The following PIANP variants were observed in gnomAD, a reference collection of about 807,000 sequenced individuals.
PIANP encodes PILR alpha associated neural protein, also known as PILR alpha-associated neural protein.
PIANP carries 14 observed loss-of-function variants against 28.9 expected under a neutral mutation model. That is an observed-to-expected ratio of 0.49 (90% CI 0.32 to 0.76). PIANP has a LOEUF of 0.76. PIANP is among the 30% of genes least tolerant of loss of function. The pLI is 0.03. For missense variants in PIANP, 322 were observed against 371.8 expected (o/e 0.87, Z 1.10); for synonymous variants, 149 against 156.6 (o/e 0.95, Z 0.36).
At position 6,696,671 on chromosome 12, in the gene PIANP, A is replaced by G. The variant is rs955926720; in HGVS notation, c.524-147T>C. ...GCTCTGTCTGCCCCTCTGGAGCCTC[A>G]CTCTTTATTATCACCAGCATTCCCC... On this transcript the variant is annotated intron_variant, in intron 3 of 4. Transcript: ENST00000534837. This position sits in a 1 kb window ranked among gnomAD's most constrained non-coding sequence, Gnocchi z 4.0. The G allele has an allele frequency of 1.9e-5, 10 of 517,120 alleles. No individual in the cohort carries two copies. The highest frequency in any genetic ancestry group is 3.3e-5 in the Non-Finnish European group (10 of 301,926). The allele number at this position is 517,120 out of a possible 1,614,324, so 32.0% of individuals were successfully genotyped here. A position where few individuals can be genotyped will look rare whatever the true frequency, so the allele number is the denominator to read the frequency against.
rs750530570 is a variant in PIANP, at chr12:6,697,130, G to C, written c.523+157C>G. Among the ~76,000 whole-genome samples the C allele has an allele frequency of 1.3e-5, 2 of 152,178 alleles. No individual in the cohort carries two copies. The highest frequency in any genetic ancestry group is 2.4e-5 in the African/African-American group (1 of 41,438). On this transcript the variant is annotated intron_variant, in intron 3 of 4. Coordinates refer to ENST00000534837, the MANE Select transcript of PIANP (RefSeq NM_001244014.2). The surrounding 1 kb of genome is among the most constrained non-coding windows in gnomAD (Gnocchi z 6.9). ...CATGTCTGTCTGCTCCAGTGGACCT[G>C]AACTCCGAGAGGGTGTCTTTATCTC...
rs781640528 is a variant in PIANP, at chr12:6,695,439, T to C, written c.818A>G (p.Gln273Arg). The C allele has an allele frequency of 1.3e-6, 2 of 1,491,892 alleles. No homozygotes were observed. The highest frequency in any genetic ancestry group is 1.8e-6 in the Non-Finnish European group (2 of 1,120,926). 92.4% of individuals were successfully genotyped at this position (1,491,892 alleles called of 1,614,324 possible). Residue 273 changes from glutamine (Q) to arginine (R), a missense_variant, in exon 5 of 5, where the codon CAG (glutamine) becomes CGG (arginine). Coordinates refer to ENST00000534837, the MANE Select transcript of PIANP (RefSeq NM_001244014.2). This position sits in a 1 kb window ranked among gnomAD's most constrained non-coding sequence, Gnocchi z 4.2. ...TTGCCCCTGCCCTCACCGGTTCAAC[T>C]GGAAGGCTGGAGCCCCCTTGGGGTG... is the stretch of plus-strand genomic sequence containing the variant. The part of the protein sequence containing the change: ...MPHPKGAPAF[Q>R]LNR
rs1320970805 is a variant in PIANP, at chr12:6,694,218, A to G, written c.*1208T>C. 4 of 153,600 alleles carry G rather than the reference A, an allele frequency of 2.6e-5. No homozygotes were observed. The highest frequency in any genetic ancestry group is 5.9e-5 in the Non-Finnish European group (4 of 68,252). The allele number at this position is 153,600 out of a possible 1,614,324, so 9.5% of individuals were successfully genotyped here. Reference sequence around the variant, plus strand: ...GCACACACACAGACAGCCAGGACAGACAAGACAAAAGGGACTGTAGGAGAA... The same window carrying G: ...GCACACACACAGACAGCCAGGACAGGCAAGACAAAAGGGACTGTAGGAGAA... On this transcript the variant is annotated 3_prime_UTR_variant, in exon 5 of 5. Coordinates refer to ENST00000534837, the MANE Select transcript of PIANP (RefSeq NM_001244014.2). This position sits in a 1 kb window ranked among gnomAD's most constrained non-coding sequence, Gnocchi z 6.1.
In PIANP at chr12:6,696,533, G is replaced by A. The variant is rs773992375; in HGVS notation, c.524-9C>T. On this transcript the variant is annotated splice_polypyrimidine_tract_variant and intron_variant, in intron 3 of 4. Coordinates refer to ENST00000534837, the MANE Select transcript of PIANP (RefSeq NM_001244014.2). This position sits in a 1 kb window ranked among gnomAD's most constrained non-coding sequence, Gnocchi z 4.0. ...GAGCTGGGGGTCCACACCTGATTGG[G>A]GTGGGAAGAAAGTTTTAGGGAGCCC... is the stretch of plus-strand genomic sequence containing the variant. The A allele has an allele frequency of 6.3e-7, 1 of 1,577,048 alleles. No homozygotes were observed. Among genetic ancestry groups the A allele is most frequent in the Non-Finnish European group, 8.6e-7 (1 of 1,161,438 alleles).
At chr12:6,693,287 C>T (rs1163250865), downstream of PIANP, among the ~76,000 whole-genome samples, 2 of 151,942 alleles carry the variant, frequency 1.3e-5, no homozygotes, top group Non-Finnish European at 2.9e-5. Flanking sequence ...GCTTCTGATT[C>T]TGCACAGCTT....
At chr12:6,692,723 A>T (rs1959728449), downstream of PIANP, among the ~76,000 whole-genome samples, 1 of 152,112 alleles carries the variant, frequency 6.6e-6, no homozygotes, top group Admixed American at 6.6e-5. Context: ...TCCTTTTCTT[A>T]GGGAGTGTGA....
In PIANP at chr12:6,700,744, G is replaced by T. The variant is rs988165185; in HGVS notation, c.-174C>A. The T allele has an allele frequency of 2.8e-4, 42 of 152,210 alleles. No individual in the cohort carries two copies. Among genetic ancestry groups the T allele is most frequent in the South Asian group, 9.0e-4 (5 of 5,540 alleles). 9.4% of individuals were successfully genotyped at this position (152,210 alleles called of 1,614,324 possible). On this transcript the variant is annotated 5_prime_UTR_variant, in exon 1 of 5. Coordinates refer to ENST00000534837, the MANE Select transcript of PIANP (RefSeq NM_001244014.2). This position sits in a 1 kb window ranked among gnomAD's most constrained non-coding sequence, Gnocchi z 5.5. Reference sequence around the variant, plus strand: ...CCCGCGGCAGGGCGCTGGAGCGGGTGGGGGGCGGGCGCCTGGGGCGCGGGG... The same window carrying T: ...CCCGCGGCAGGGCGCTGGAGCGGGTTGGGGGCGGGCGCCTGGGGCGCGGGG...
chr12:6,697,804 G>C lies in PIANP; in HGVS notation c.18-12C>G, dbSNP rs2137710680. 1 of 1,522,462 alleles carries C rather than the reference G, an allele frequency of 6.6e-7. No individual in the cohort carries two copies. The highest frequency in any genetic ancestry group is 1.4e-5 in the African/African-American group (1 of 72,128). 94.3% of individuals were successfully genotyped at this position (1,522,462 alleles called of 1,614,324 possible). A position where few individuals can be genotyped will look rare whatever the true frequency, so the allele number is the denominator to read the frequency against. ...GCAGCAGCGCAGGCCTGCAAGAAGGGAGAGAGCGTGGCTGAGACACAGGCC... is the reference window on the plus strand; with the variant it reads ...GCAGCAGCGCAGGCCTGCAAGAAGGCAGAGAGCGTGGCTGAGACACAGGCC... On this transcript the variant is annotated splice_polypyrimidine_tract_variant and intron_variant, in intron 2 of 4. Coordinates refer to ENST00000534837, the MANE Select transcript of PIANP (RefSeq NM_001244014.2). The surrounding 1 kb of genome is among the most constrained non-coding windows in gnomAD (Gnocchi z 6.9).
In PIANP at chr12:6,695,011, T is replaced by A. The variant is rs769181940; in HGVS notation, c.*415A>T. On this transcript the variant is annotated 3_prime_UTR_variant, in exon 5 of 5. Transcript: ENST00000534837. The surrounding 1 kb of genome is among the most constrained non-coding windows in gnomAD (Gnocchi z 4.2). The stretch of plus-strand genomic sequence containing the variant: ...TGTGCCGGCCCCTTGGCCTCCTGCT[T>A]GGCTGCACCCCAACATTGGGGGCAT... The A allele has an allele frequency of 1.9e-6, 3 of 1,553,918 alleles. No homozygotes were observed. The East Asian group carries it at 7.2e-5, about 37-fold the overall frequency.
rs1210855358 is a variant in PIANP at position 6,695,574 on chromosome 12, A to G, written c.683T>C (p.Leu228Pro). 6.3e-7 allele frequency: 1 copy of G among 1,592,172 alleles called. No individual in the cohort carries two copies. The highest frequency in any genetic ancestry group is 1.7e-5 in the Admixed American group (1 of 58,106). Reference protein sequence around the residue: ...ALRQEESQQPLTDLSPAGVTV... With the variant: ...ALRQEESQQPPTDLSPAGVTV... ...GACTCCAGCCGGGGACAGGTCTGTCAGTGGCTGCTGGCTCTCCTCCTGCCT... is the reference window on the plus strand; with the variant it reads ...GACTCCAGCCGGGGACAGGTCTGTCGGTGGCTGCTGGCTCTCCTCCTGCCT... Residue 228 changes from leucine (L) to proline (P), a missense_variant, in exon 5 of 5, where the codon CTG becomes CCG. Transcript: ENST00000534837. This position sits in a 1 kb window ranked among gnomAD's most constrained non-coding sequence, Gnocchi z 4.2.
intron 1 of PIANP, among the ~76,000 whole-genome samples, chr12:6,699,114 G>A (rs2137713318): frequency 6.6e-6 from 1 of 152,244 alleles, no homozygotes; most frequent in East Asian, 1.9e-4. Flanking sequence ...GGTAGTGGTG[G>A]GCGCCTGCAA....
chr12:6,697,321 GGT>G lies in PIANP; in HGVS notation c.487_488del (p.Thr163ProfsTer88). 1 of 1,613,988 alleles carries G rather than the reference GGT, an allele frequency of 6.2e-7. No individual in the cohort carries two copies. Among genetic ancestry groups the G allele is most frequent in the Non-Finnish European group, 8.5e-7 (1 of 1,179,888 alleles). On this transcript the variant is annotated frameshift_variant, in exon 3 of 5. Coordinates refer to ENST00000534837, the MANE Select transcript of PIANP (RefSeq NM_001244014.2). LOFTEE classifies it high-confidence loss of function. This position sits in a 1 kb window ranked among gnomAD's most constrained non-coding sequence, Gnocchi z 6.9. ...GGCCCCCGAACAGGAATGGCCGCAG[GGT>G]GGCAGGTGCCTCTCCAAGGATAAGC... Reference protein sequence around the residue: ...DGLILGEAPATLRPFLFGGRG... With the variant: ...DGLILGEAPAXLRPFLFGGRG...
At chr12:6,699,654 T>A (rs934363279) in intron 1 of PIANP, among the ~76,000 whole-genome samples, 2 of 97,104 alleles carry the variant, frequency 2.1e-5, no homozygotes, top group Admixed American at 1.2e-4. Flanking sequence ...GCCAGAGGAG[T>A]GGAGAGTAAG....
chr12:6,695,460 G>C lies in PIANP; in HGVS notation c.797C>G (p.Pro266Arg), dbSNP rs1959825314. The C allele has an allele frequency of 6.6e-7, 1 of 1,511,096 alleles. No individual in the cohort carries two copies. Among genetic ancestry groups the C allele is most frequent in the Non-Finnish European group, 8.9e-7 (1 of 1,128,742 alleles). 93.6% of individuals were successfully genotyped at this position (1,511,096 alleles called of 1,614,324 possible). The change falls in exon 5 of 5, where the codon CCC (proline) becomes CGC (arginine). Residue 266 changes from proline (P) to arginine (R), a missense_variant. Pro to Arg is a moderately radical substitution (Grantham distance 103). Transcript: ENST00000534837. This position sits in a 1 kb window ranked among gnomAD's most constrained non-coding sequence, Gnocchi z 4.2. ...RGGPRPGMPH[P>R]KGAPAFQLNR ...CAACTGGAAGGCTGGAGCCCCCTTG[G>C]GGTGGGGCATCCCAGGCCGGGGTCC...
chr12:6,694,978 A>T lies in PIANP; in HGVS notation c.*448T>A. 2.0e-6 allele frequency: 3 copies of T among 1,516,184 alleles called. No individual in the cohort carries two copies. Among genetic ancestry groups the T allele is most frequent in the Non-Finnish European group, 2.7e-6 (3 of 1,127,284 alleles). The allele number at this position is 1,516,184 out of a possible 1,614,324, so 93.9% of individuals were successfully genotyped here. A position where few individuals can be genotyped will look rare whatever the true frequency, so the allele number is the denominator to read the frequency against. On this transcript the variant is annotated 3_prime_UTR_variant, in exon 5 of 5. Transcript: ENST00000534837. The surrounding 1 kb of genome is among the most constrained non-coding windows in gnomAD (Gnocchi z 6.1). ...CCACAGCTGCCCCACCCTCAGTGGGATGGGGGCTGTGCCGGCCCCTTGGCC... is the reference window on the plus strand; with the variant it reads ...CCACAGCTGCCCCACCCTCAGTGGGTTGGGGGCTGTGCCGGCCCCTTGGCC...
chr12:6,697,342 G>A lies in PIANP; in HGVS notation c.468C>T (p.Ile156=). Residue 156 remains isoleucine, a synonymous_variant, in exon 3 of 5, where the codon ATC becomes ATT. Coordinates refer to ENST00000534837, the MANE Select transcript of PIANP (RefSeq NM_001244014.2). This position sits in a 1 kb window ranked among gnomAD's most constrained non-coding sequence, Gnocchi z 6.9. ...DSMRGDGDGL[I]LGEAPATLRP... Reference sequence around the variant, plus strand: ...GCAGGGTGGCAGGTGCCTCTCCAAGGATAAGCCCATCTCCATCACCTCGCA... The same window carrying A: ...GCAGGGTGGCAGGTGCCTCTCCAAGAATAAGCCCATCTCCATCACCTCGCA... 1 of 1,614,036 alleles carries A rather than the reference G, an allele frequency of 6.2e-7. No homozygotes were observed. Among genetic ancestry groups the A allele is most frequent in the Non-Finnish European group, 8.5e-7 (1 of 1,179,898 alleles).
rs1051232179 is a variant in PIANP, at chr12:6,696,555, G to A, written c.524-31C>T. ...TGGGGTGGGAAGAAAGTTTTAGGGA[G>A]CCCCGAGGTGGTAGGAGCCAAGAGG... On this transcript the variant is annotated intron_variant, in intron 3 of 4. Coordinates refer to ENST00000534837, the MANE Select transcript of PIANP (RefSeq NM_001244014.2). This position sits in a 1 kb window ranked among gnomAD's most constrained non-coding sequence, Gnocchi z 4.0. The A allele has an allele frequency of 5.3e-6, 8 of 1,510,662 alleles. No homozygotes were observed. In the Admixed American group the frequency reaches 6.1e-5, roughly 12 times the overall value. The allele number at this position is 1,510,662 out of a possible 1,614,324, so 93.6% of individuals were successfully genotyped here.
In PIANP at chr12:6,694,781, T is replaced by G; in HGVS notation, c.*645A>C. ...AATGGCCTGTGAAGGTGGAGGTGAG[T>G]GTGCAAGGCTTTCATGTGAGTGCAC... is the stretch of plus-strand genomic sequence containing the variant. On this transcript the variant is annotated 3_prime_UTR_variant, in exon 5 of 5. Transcript: ENST00000534837. This position sits in a 1 kb window ranked among gnomAD's most constrained non-coding sequence, Gnocchi z 6.1. The G allele has an allele frequency of 2.2e-6, 1 of 454,736 alleles. No homozygotes were observed. The highest frequency in any genetic ancestry group is 3.3e-5 in the East Asian group (1 of 30,288). The allele number at this position is 454,736 out of a possible 1,614,324, so 28.2% of individuals were successfully genotyped here.
Position 6,695,552 on chromosome 12 carries a change from T to G in PIANP, c.705A>C (p.Gly235=). The change falls in exon 5 of 5, where the codon GGA becomes GGC. Residue 235 remains glycine, a synonymous_variant. Transcript: ENST00000534837. This position sits in a 1 kb window ranked among gnomAD's most constrained non-coding sequence, Gnocchi z 4.2. ...QQPLTDLSPA[G]VTVLGAFGDS... ...CCCCGAAGGCCCCCAGCACAGTGAC[T>G]CCAGCCGGGGACAGGTCTGTCAGTG... The G allele has an allele frequency of 6.3e-7, 1 of 1,594,856 alleles. No individual in the cohort carries two copies. Among genetic ancestry groups the G allele is most frequent in the Non-Finnish European group, 8.5e-7 (1 of 1,169,672 alleles).
Sources: gnomAD v4.1 joint callset for allele counts (sites outside exome capture counted in the v4.1 genomes callset) on GRCh38, gnomAD v4.1.1 for gene constraint, Gnocchi (gnomAD v3.1) non-coding constraint, MANE v1.5 for transcripts, NCBI Gene and HGNC (gene_info 2026-07-23, HGNC 2026-07-21) for gene names.